Variants in HSPA12A observed in about 807,000 individuals in gnomAD.
HSPA12A encodes the protein heat shock 70 kDa protein 12A.
A neutral mutation model predicts 69.2 loss-of-function variants in HSPA12A; 28 were observed. The observed-to-expected ratio is 0.40, with a 90% CI of 0.30 to 0.55. The LOEUF (loss-of-function observed/expected upper bound fraction) is 0.55. Among genes scored for constraint, HSPA12A ranks in the 20% least tolerant of loss-of-function variants. The pLI is 0.38. For synonymous variants in HSPA12A, 345 were observed against 370.5 expected (o/e 0.93, Z 0.79); for missense variants, 686 against 900.7 (o/e 0.76, Z 3.05).
chr10:116,745,490 C>T (rs1374077142), upstream of HSPA12A, among the ~76,000 whole-genome samples: 1 of 152,248 alleles, frequency 6.6e-6, no homozygotes, highest in African/African-American at 2.4e-5. Flanking sequence ...ACACCCTCCA[C>T]AGGCTGTAGA....
intron 1 of HSPA12A, among the ~76,000 whole-genome samples, chr10:116,728,702 T>C (rs1851055149): frequency 6.6e-6 from 1 of 152,190 alleles, no homozygotes; most frequent in African/African-American, 2.4e-5. Flanking sequence ...GTAGACACAA[T>C]TCAAGTCTAT....
intron 2 of HSPA12A, among the ~76,000 whole-genome samples, chr10:116,753,435 G>T (rs782153817): frequency 3.9e-5 from 6 of 152,310 alleles, no homozygotes; most frequent in Admixed American, 6.5e-5. Flanking sequence ...CCAAGACCAG[G>T]TTCTGTCTTT....
Position 116,679,609 on chromosome 10 carries a change from C to A in HSPA12A, c.1180G>T (p.Ala394Ser). The change falls in exon 10 of 12, where the codon GCC becomes TCC. Residue 394 changes from alanine to serine, a missense_variant. Coordinates refer to ENST00000369209, the MANE Select transcript of HSPA12A (RefSeq NM_025015.3). ...IAFESRKRAA[A>S]PDRTNPLNIT... ...TTCAGCGGGTTAGTTCTGTCTGGGG[C>A]AGCCGCCCTTTTGCGAGACTCAAAC... The A allele has an allele frequency of 6.2e-7, 1 of 1,614,268 alleles. No individual in the cohort carries two copies. The highest frequency in any genetic ancestry group is 1.1e-5 in the South Asian group (1 of 91,088).
intron 1 of HSPA12A, among the ~76,000 whole-genome samples, chr10:116,839,650 A>T (rs1845773927): frequency 6.7e-6 from 1 of 150,240 alleles, no homozygotes; most frequent in Non-Finnish European, 1.5e-5. Context: ...TCACCTACAC[A>T]TTTTGTCAAA....
chr10:116,811,191 A>G (rs1406775429), intron 2 of HSPA12A, among the ~76,000 whole-genome samples: 3 of 152,184 alleles, frequency 2.0e-5, no homozygotes, highest in Non-Finnish European at 4.4e-5. Context: ...TAAGAGCAAG[A>G]AAACACATGG....
upstream of HSPA12A, among the ~76,000 whole-genome samples, chr10:116,744,650 C>T (rs1303484312): frequency 3.3e-5 from 5 of 152,246 alleles, no homozygotes; most frequent in South Asian, 8.3e-4. Context: ...TTTGCCCTCA[C>T]GGCCTTCATG....
At chr10:116,721,402 C>T (rs1418233274) in intron 1 of HSPA12A, among the ~76,000 whole-genome samples, 4 of 152,190 alleles carry the variant, frequency 2.6e-5, no homozygotes, top group African/African-American at 9.7e-5. Context: ...TCACCCAGAG[C>T]GTCCCACCTG....
intron 5 of HSPA12A, chr10:116,698,040 A>C (rs1284856132): frequency 9.6e-6 from 1 of 104,370 alleles, no homozygotes; most frequent in Non-Finnish European, 2.3e-5. Context: ...ATTCATTGTA[A>C]GATAGATCAC....
chr10:116,839,690 AT>A (rs1845774713), intron 1 of HSPA12A, among the ~76,000 whole-genome samples: 1 of 150,884 alleles, frequency 6.6e-6, no homozygotes, highest in Non-Finnish European at 1.5e-5. Flanking sequence ...CATGACGTGT[AT>A]AATCTTAAAG....
chr10:116,740,839 C>T (rs543393925), intron 1 of HSPA12A, among the ~76,000 whole-genome samples: 6 of 151,692 alleles, frequency 4.0e-5, no homozygotes, highest in Admixed American at 3.3e-4. Flanking sequence ...TTGGTATCAT[C>T]GCCCACCCTA....
rs540539646 is a variant in HSPA12A at position 116,788,983 on chromosome 10, C to T, written c.91+45952G>A. On this transcript the variant is annotated intron_variant, in intron 2 of 12. Transcript: ENST00000635765. ...CGGGTTCAAGCAGTTCTCCCTGCCT[C>T]GGCCTCCTAGTAGCTGGGTCTATAG... 3.3e-4 allele frequency among the ~76,000 whole-genome samples: 50 copies of T among 151,722 alleles called. 1 individual carries two copies. Among genetic ancestry groups the T allele is most frequent in the Admixed American group, 2.8e-3 (43 of 15,204 alleles).
chr10:116,678,966 A>G (rs1849321873), intron 10 of HSPA12A, among the ~76,000 whole-genome samples: 1 of 152,182 alleles, frequency 6.6e-6, no homozygotes, highest in South Asian at 2.1e-4. Context: ...ATGTTTAAGA[A>G]TATTAGAAAT....
intron 1 of HSPA12A, among the ~76,000 whole-genome samples, chr10:116,716,645 C>A (rs532795649): frequency 2.6e-5 from 4 of 152,262 alleles, no homozygotes; most frequent in South Asian, 2.1e-4. Context: ...GGAATAGGAG[C>A]AAAGCCAGAG....
At chr10:116,676,888 G>A (rs541128247) in intron 10 of HSPA12A, among the ~76,000 whole-genome samples, 1 of 152,254 alleles carries the variant, frequency 6.6e-6, no homozygotes, top group East Asian at 1.9e-4. Flanking sequence ...TGCTACTTAC[G>A]GCTACACATG....
rs1182943226 is a variant in HSPA12A, at chr10:116,673,529, C to T, written c.*1252G>A. 1 of 152,184 alleles carries T rather than the reference C, an allele frequency of 6.6e-6. No homozygotes were observed. The highest frequency in any genetic ancestry group is 1.5e-5 in the Non-Finnish European group (1 of 68,044). 9.4% of individuals were successfully genotyped at this position (152,184 alleles called of 1,614,324 possible). On this transcript the variant is annotated 3_prime_UTR_variant, in exon 12 of 12. Coordinates refer to ENST00000369209, the MANE Select transcript of HSPA12A (RefSeq NM_025015.3). ...TTCAGTTGAACCACGATGTGGTATA[C>T]ACTACAAATGCAGATTCTGGTGCCC... is the stretch of plus-strand genomic sequence containing the variant.
chr10:116,821,658 T>C (rs912185700), intron 2 of HSPA12A, among the ~76,000 whole-genome samples: 3 of 152,246 alleles, frequency 2.0e-5, no homozygotes, highest in African/African-American at 7.2e-5. Context: ...CAGCATATGA[T>C]AGATGTGAAA....
Position 116,800,260 on chromosome 10 carries a change from C to T in HSPA12A, c.91+34675G>A, listed in dbSNP as rs188126235. On this transcript the variant is annotated intron_variant, in intron 2 of 12. Transcript: ENST00000635765. Reference sequence around the variant, plus strand: ...GAGAAATAAAAGCCTTCTGTGGTGGCCCCAGCCTCTCCCCCAACTTACCCC... The same window carrying T: ...GAGAAATAAAAGCCTTCTGTGGTGGTCCCAGCCTCTCCCCCAACTTACCCC... 3.3e-5 allele frequency among the ~76,000 whole-genome samples: 5 copies of T among 152,278 alleles called. No homozygotes were observed. The East Asian group carries it at 9.7e-4, about 29-fold the overall frequency.
chr10:116,681,119 A>G (rs782295039), intron 9 of HSPA12A, 33 bp downstream of exon 9: 21 of 1,461,214 alleles, frequency 1.4e-5, no homozygotes, highest in East Asian at 6.8e-5. Flanking sequence ...GAATTGGCTC[A>G]GGAATAAGAA....
intron 2 of HSPA12A, among the ~76,000 whole-genome samples, chr10:116,799,225 A>T (rs7912336): frequency 0.53 from 80,396 of 152,052 alleles, 21,559 homozygotes; most frequent in East Asian, 0.65. Flanking sequence ...AGAGCCACGT[A>T]CACAGCTCTC....
Sources: gnomAD v4.1 joint callset for allele counts (sites outside exome capture counted in the v4.1 genomes callset) on GRCh38, gnomAD v4.1.1 for gene constraint, MANE v1.5 for transcripts, NCBI Gene and HGNC (gene_info 2026-07-23, HGNC 2026-07-21) for gene names.